The following CDH18 variants were observed in gnomAD, a reference collection of about 807,000 sequenced individuals.
The protein encoded by CDH18 is cadherin 18, also known as cadherin-18.
A neutral mutation model predicts 67.9 loss-of-function variants in CDH18; 31 were observed. The observed-to-expected ratio is 0.46, with a 90% confidence interval of 0.34 to 0.62. The LOEUF is 0.62. Ranked by LOEUF, CDH18 falls within the 20% of genes least tolerant of loss-of-function variation. The pLI is 0.01. For missense variants in CDH18, 890 were observed against 975.5 expected, an observed-to-expected ratio of 0.91 and a Z score of 1.17; for synonymous variants, 362 against 347.2, an observed-to-expected ratio of 1.04 and a Z score of -0.48.
intron 5 of CDH18, among the ~76,000 whole-genome samples, chr5:19,679,507 T>A (rs1759963396): frequency 2.6e-5 from 4 of 151,874 alleles, no homozygotes; most frequent in Admixed American, 2.6e-4. Context: ...CTAGAGGAAG[T>A]CCAATTATCT....
chr5:19,722,444 T>G (rs1766231993), intron 4 of CDH18, among the ~76,000 whole-genome samples: 1 of 151,298 alleles, frequency 6.6e-6, no homozygotes, highest in Non-Finnish European at 1.5e-5. Flanking sequence ...AAATGGATTG[T>G]AAATTCATTT....
intron 5 of CDH18, among the ~76,000 whole-genome samples, chr5:19,660,373 T>C (rs1440534065): frequency 1.3e-5 from 2 of 152,146 alleles, no homozygotes; most frequent in African/African-American, 2.4e-5. Context: ...ATAATAAAGA[T>C]GCTGAATAGG....
intron 2 of CDH18, among the ~76,000 whole-genome samples, chr5:20,212,423 A>T (rs1408466471): frequency 2.0e-5 from 3 of 152,140 alleles, no homozygotes; most frequent in Admixed American, 6.5e-5. Flanking sequence ...CAGGAAATAC[A>T]GAGAATGCCA....
chr5:19,767,425 G>A (rs1773233456), intron 3 of CDH18, among the ~76,000 whole-genome samples: 1 of 151,768 alleles, frequency 6.6e-6, no homozygotes, highest in African/African-American at 2.4e-5. Flanking sequence ...ATAAGCAAAG[G>A]AAATAGCCTA....
chr5:19,548,082 A>C (rs1246915602), intron 8 of CDH18, among the ~76,000 whole-genome samples: 1 of 152,188 alleles, frequency 6.6e-6, no homozygotes, highest in Non-Finnish European at 1.5e-5. Flanking sequence ...TCAGTAAATT[A>C]CTTTTCAAAT....
At chr5:19,516,443 C>T (rs1746014293) in intron 10 of CDH18, among the ~76,000 whole-genome samples, 2 of 152,034 alleles carry the variant, frequency 1.3e-5, no homozygotes, top group African/African-American at 4.8e-5. Context: ...CCTCTTTGTA[C>T]CTCTGGTAGA....
intron 1 of CDH18, among the ~76,000 whole-genome samples, chr5:20,494,525 T>G (rs563567803): frequency 7.9e-5 from 12 of 152,226 alleles, no homozygotes; most frequent in Non-Finnish European, 1.0e-4. Context: ...TGAAAAAGTA[T>G]AAGCACATTG....
intron 1 of CDH18, among the ~76,000 whole-genome samples, chr5:20,510,528 T>C (rs572489664): frequency 8.5e-5 from 13 of 152,278 alleles, no homozygotes; most frequent in African/African-American, 3.1e-4. Context: ...TTTGATGCGA[T>C]TGAAAATCTG....
At chr5:19,799,449 C>T in intron 3 of CDH18, among the ~76,000 whole-genome samples, 1 of 151,582 alleles carries the variant, frequency 6.6e-6, no homozygotes, top group Admixed American at 6.6e-5. Context: ...CACACACACA[C>T]ACACACACAC....
At chr5:20,442,327 C>T (rs1162893586) in intron 1 of CDH18, among the ~76,000 whole-genome samples, 1 of 151,874 alleles carries the variant, frequency 6.6e-6, no homozygotes, top group Non-Finnish European at 1.5e-5. Flanking sequence ...ATGAGGCATA[C>T]ATTTTGACAT....
At chr5:20,055,995 T>TC (rs1486730382) in intron 2 of CDH18, among the ~76,000 whole-genome samples, 2 of 115,556 alleles carry the variant, frequency 1.7e-5, no homozygotes, top group African/African-American at 8.3e-5. Flanking sequence ...GTTTCCTTTT[T>TC]TTTTTTTTTT....
intron 2 of CDH18, among the ~76,000 whole-genome samples, chr5:19,964,795 TACAAA>T (rs970970971): frequency 2.6e-5 from 4 of 151,854 alleles, no homozygotes; most frequent in Admixed American, 1.3e-4. Context: ...AAATCAGAAA[TACAAA>T]ACAATTTGAA....
At chr5:19,724,002 GC>G (rs1325677587) in intron 4 of CDH18, among the ~76,000 whole-genome samples, 2 of 152,000 alleles carry the variant, frequency 1.3e-5, no homozygotes, top group Non-Finnish European at 1.5e-5. Context: ...GAGCCACCGC[GC>G]CCAGCCATAG....
intron 5 of CDH18, among the ~76,000 whole-genome samples, chr5:19,660,781 A>ATG (rs1256674759): frequency 6.6e-6 from 1 of 151,924 alleles, no homozygotes; most frequent in East Asian, 1.9e-4. Context: ...GTGTAAGTGT[A>ATG]TGTGTGTGTG....
chr5:19,818,665 C>T (rs1332826278), intron 3 of CDH18, among the ~76,000 whole-genome samples: 1 of 152,094 alleles, frequency 6.6e-6, no homozygotes, highest in East Asian at 1.9e-4. Context: ...ATGGTGCAGC[C>T]TATTGCTCCT....
intron 1 of CDH18, among the ~76,000 whole-genome samples, chr5:20,441,562 G>T (rs1024617243): frequency 6.6e-6 from 1 of 151,670 alleles, no homozygotes; most frequent in African/African-American, 2.4e-5. Context: ...GGGCCAAATT[G>T]TTACAGCTAG....
At chr5:19,936,047 A>G (rs890316736) in intron 2 of CDH18, among the ~76,000 whole-genome samples, 1 of 151,238 alleles carries the variant, frequency 6.6e-6, no homozygotes, top group Non-Finnish European at 1.5e-5. Context: ...TAAAAAATCC[A>G]TATATAATTA....
intron 2 of CDH18, among the ~76,000 whole-genome samples, chr5:20,057,313 T>C (rs938662715): frequency 7.9e-5 from 12 of 152,302 alleles, no homozygotes; most frequent in Admixed American, 6.5e-4. Flanking sequence ...TTTGAAAATA[T>C]TCATATCCTG....
chr5:19,903,194 A>T (rs565441279), intron 2 of CDH18, among the ~76,000 whole-genome samples: 1 of 152,060 alleles, frequency 6.6e-6, no homozygotes, highest in Admixed American at 6.6e-5. Context: ...ATAACAAAGT[A>T]TTCCACATTT....
Sources: allele counts gnomAD v4.1 joint callset (sites outside exome capture counted in the v4.1 genomes callset), GRCh38; gene constraint gnomAD v4.1.1; transcripts MANE v1.5; gene names NCBI Gene and HGNC (gene_info 2026-07-23, HGNC 2026-07-21).